The following TNNI3K variants were observed in gnomAD, a reference collection of about 807,000 sequenced individuals.
TNNI3K encodes the protein TNNI3 interacting kinase.
TNNI3K carries 140 observed loss-of-function variants against 114.5 expected under a neutral mutation model. The observed-to-expected ratio is 1.22, with a 90% CI of 1.07 to 1.41. TNNI3K has a LOEUF of 1.41. TNNI3K is among the 40% of genes most tolerant of loss of function. TNNI3K has a pLI of 0.00. For synonymous variants in TNNI3K, 347 were observed against 347.5 expected (o/e 1.00, Z 0.02); for missense variants, 1,125 against 1,007.6 (o/e 1.12, Z -1.58).
chr1:74,399,725 G>A (rs1664267776), intron 17 of TNNI3K, among the ~76,000 whole-genome samples: 1 of 152,200 alleles, frequency 6.6e-6, no homozygotes, highest in Admixed American at 6.5e-5. Context: ...GAAGCTATGG[G>A]CAGGCTCTGT....
chr1:74,465,882 TG>T lies in TNNI3K; in HGVS notation c.2121+2335del, dbSNP rs1667655598. Among the ~76,000 whole-genome samples the T allele has an allele frequency of 2.6e-5, 4 of 152,122 alleles. No homozygotes were observed. In the South Asian group the frequency reaches 8.3e-4, roughly 32 times the overall value. On this transcript the variant is annotated intron_variant, in intron 21 of 24. Coordinates refer to ENST00000326637, the MANE Select transcript of TNNI3K (RefSeq NM_015978.3). ...GTAAAATGGACCAATCAGCAGGATG[TG>T]GGTGGGGCCAGATAAGGGAATAAAA...
At chr1:74,479,940 T>A (rs1229283471) in intron 21 of TNNI3K, among the ~76,000 whole-genome samples, 1 of 152,230 alleles carries the variant, frequency 6.6e-6, no homozygotes, top group Non-Finnish European at 1.5e-5. Context: ...TGAATTCTGG[T>A]CCAGGGCCCT....
intron 2 of TNNI3K, 36 bp from the exon 3 acceptor site, chr1:74,249,423 T>C (rs745416412): frequency 6.3e-7 from 1 of 1,581,072 alleles, no homozygotes; most frequent in Non-Finnish European, 8.6e-7. Flanking sequence ...TGCTAAAAGA[T>C]GAATTTTGTG....
At position 74,499,388 on chromosome 1, in the gene TNNI3K, C is replaced by T. The variant is rs983109682; in HGVS notation, c.2351+7122C>T. Among the ~76,000 whole-genome samples, 3 of 152,142 alleles carry T rather than the reference C, an allele frequency of 2.0e-5. No individual in the cohort carries two copies. The East Asian group carries it at 5.8e-4, about 29-fold the overall frequency. ...CTCCTAAGGTTAAATGATTCAGCTTCCTAAAGTGCTGAGATTATAAATATG... is the reference window on the plus strand; with the variant it reads ...CTCCTAAGGTTAAATGATTCAGCTTTCTAAAGTGCTGAGATTATAAATATG... On this transcript the variant is annotated intron_variant, in intron 23 of 24. Coordinates refer to ENST00000326637, the MANE Select transcript of TNNI3K (RefSeq NM_015978.3).
intron 17 of TNNI3K, among the ~76,000 whole-genome samples, chr1:74,393,830 T>A (rs537201836): frequency 6.6e-6 from 1 of 152,238 alleles, no homozygotes; most frequent in African/African-American, 2.4e-5. Context: ...CTCATAAGGA[T>A]CACACAACCT....
intron 2 of TNNI3K, among the ~76,000 whole-genome samples, chr1:74,244,291 A>T (rs1168098188): frequency 6.6e-6 from 1 of 152,100 alleles, no homozygotes; most frequent in Non-Finnish European, 1.5e-5. Flanking sequence ...GCATGAGTTC[A>T]AGGAGGATAT....
At chr1:74,458,683 AT>A (rs1667326743) in intron 20 of TNNI3K, among the ~76,000 whole-genome samples, 1 of 152,216 alleles carries the variant, frequency 6.6e-6, no homozygotes, top group South Asian at 2.1e-4. Context: ...TATTCAATAA[AT>A]GTTACTGAGT....
intron 4 of TNNI3K, among the ~76,000 whole-genome samples, chr1:74,254,271 T>C (rs1655140116): frequency 6.6e-6 from 1 of 152,156 alleles, no homozygotes; most frequent in African/African-American, 2.4e-5. Context: ...TCCAATGCAA[T>C]TATAAAATTA....
chr1:74,389,928 T>A (rs1343259596), intron 17 of TNNI3K, among the ~76,000 whole-genome samples: 1 of 152,028 alleles, frequency 6.6e-6, no homozygotes, highest in Non-Finnish European at 1.5e-5. Flanking sequence ...ATCATGGAGA[T>A]AAGAGAAAAG....
At chr1:74,417,638 A>G (rs1369276242) in intron 17 of TNNI3K, among the ~76,000 whole-genome samples, 1 of 151,570 alleles carries the variant, frequency 6.6e-6, no homozygotes, top group Non-Finnish European at 1.5e-5. Flanking sequence ...TAACAGGGTT[A>G]CATGCTATGA....
At chr1:74,532,442 C>A (rs551374097) in intron 23 of TNNI3K, among the ~76,000 whole-genome samples, 2 of 145,916 alleles carry the variant, frequency 1.4e-5, no homozygotes, top group Non-Finnish European at 3.0e-5. Flanking sequence ...TAGTTTGACA[C>A]GTGCTATTAT....
intron 11 of TNNI3K, among the ~76,000 whole-genome samples, chr1:74,358,229 C>T (rs1225384426): frequency 1.3e-5 from 2 of 152,044 alleles, no homozygotes; most frequent in East Asian, 1.9e-4. Context: ...TACAGAGGCT[C>T]CTATCACAAT....
intron 1 of TNNI3K, 70 bp from the exon 2 acceptor site, chr1:74,236,032 A>G (rs1570350887): frequency 6.1e-6 from 7 of 1,154,566 alleles, no homozygotes; most frequent in South Asian, 2.9e-5. Flanking sequence ...GATTACTTGT[A>G]TGTTATGATC....
intron 5 of TNNI3K, among the ~76,000 whole-genome samples, chr1:74,299,668 A>T (rs887639698): frequency 6.6e-6 from 1 of 152,156 alleles, no homozygotes; most frequent in Non-Finnish European, 1.5e-5. Context: ...GAATGTGAGA[A>T]TATTCAAGGT....
chr1:74,502,664 G>C (rs1186346936), intron 23 of TNNI3K, among the ~76,000 whole-genome samples: 1 of 152,156 alleles, frequency 6.6e-6, no homozygotes, highest in Admixed American at 6.5e-5. Flanking sequence ...ACTTCCCTCT[G>C]TCTATGGCCA....
chr1:74,401,680 G>A (rs1202676712), intron 17 of TNNI3K, among the ~76,000 whole-genome samples: 1 of 152,172 alleles, frequency 6.6e-6, no homozygotes, highest in Non-Finnish European at 1.5e-5. Flanking sequence ...GGTTAAGAGA[G>A]ATAATAACAG....
In TNNI3K at chr1:74,492,410, C is replaced by T. The variant is rs9729226; in HGVS notation, c.2351+144C>T. On this transcript the variant is annotated intron_variant, in intron 23 of 24. Coordinates refer to ENST00000326637, the MANE Select transcript of TNNI3K (RefSeq NM_015978.3). ...AGGAGTTTTCAGCCCATTTTTCTTA[C>T]GTTATGACTAAAAATTAGAAATTTT... 7.8e-3 allele frequency: 8,843 copies of T among 1,129,902 alleles called. 448 individuals carry two copies. The African/African-American group carries it at 0.12, about 15-fold the overall frequency. 70.0% of individuals were successfully genotyped at this position (1,129,902 alleles called of 1,614,324 possible).
intron 17 of TNNI3K, among the ~76,000 whole-genome samples, chr1:74,376,330 T>C (rs1249145890): frequency 2.0e-5 from 3 of 152,016 alleles, no homozygotes; most frequent in African/African-American, 7.2e-5. Flanking sequence ...CTAATTTGTG[T>C]TCCTCAAATT....
intron 5 of TNNI3K, among the ~76,000 whole-genome samples, chr1:74,315,068 A>G (rs1659234575): frequency 6.6e-6 from 1 of 152,176 alleles, no homozygotes; most frequent in Non-Finnish European, 1.5e-5. Flanking sequence ...ACAACCCATT[A>G]TAACCTCTTT....
Sources: allele counts gnomAD v4.1 joint callset (sites outside exome capture counted in the v4.1 genomes callset), GRCh38; gene constraint gnomAD v4.1.1; transcripts MANE v1.5; gene names NCBI Gene and HGNC (gene_info 2026-07-23, HGNC 2026-07-21).